Variants in RND1 observed in about 807,000 individuals in gnomAD.
RND1 encodes Rho family GTPase 1, also known as rho-related GTP-binding protein Rho6.
A neutral mutation model predicts 27.1 loss-of-function variants in RND1; 9 were observed. That is an observed-to-expected ratio of 0.33 (90% CI 0.20 to 0.58). The LOEUF (loss-of-function observed/expected upper bound fraction) is 0.58, where lower values mean the gene tolerates loss of function less well. RND1 is among the 20% of genes least tolerant of loss of function. The probability of loss-of-function intolerance (pLI) is 0.86; values close to 1 mark genes in which losing one functional copy is unlikely to be tolerated. For synonymous variants in RND1, 108 were observed against 115.7 expected (o/e 0.93, Z 0.43); for missense variants, 253 against 292.2 (o/e 0.87, Z 0.98).
At chr12:48,864,384 G>GGT (rs539837491) in intron 2 of RND1, among the ~76,000 whole-genome samples, 32,692 of 141,522 alleles carry the variant, frequency 0.23, 4,148 homozygotes, top group Middle Eastern at 0.33. Flanking sequence ...GGAAGTAAAA[G>GGT]GTGTGTGTGT....
Position 48,859,730 on chromosome 12 carries a change from T to G in RND1, c.453+1267A>C, listed in dbSNP as rs553712912. On this transcript the variant is annotated intron_variant, in intron 4 of 4. Coordinates refer to ENST00000309739, the MANE Select transcript of RND1 (RefSeq NM_014470.4). ...ACTGAGACCTTGTCTCTACAAAAAA[T>G]GTTAAAAGATTAGCTAGGCGTGGGG... 2.0e-5 allele frequency among the ~76,000 whole-genome samples: 3 copies of G among 152,082 alleles called. No individual in the cohort carries two copies. In the East Asian group the frequency reaches 5.8e-4, roughly 29 times the overall value.
At chr12:48,862,217 A>C in intron 2 of RND1, 99 bp from the exon 3 acceptor site, 1 of 678,036 alleles carries the variant, frequency 1.5e-6, no homozygotes, top group Non-Finnish European at 2.6e-6. Context: ...TCAATCCCTG[A>C]GGATCCACCC....
At chr12:48,861,780 G>A (rs570568434) in intron 3 of RND1, among the ~76,000 whole-genome samples, 11 of 152,218 alleles carry the variant, frequency 7.2e-5, no homozygotes, top group East Asian at 1.9e-4. Flanking sequence ...CCTCCCTTGC[G>A]GGGCCTCTGG....
In RND1 at chr12:48,865,822, G is replaced by T. The variant is rs903991238; in HGVS notation, c.-55C>A. 1 of 1,537,000 alleles carries T rather than the reference G, an allele frequency of 6.5e-7. No individual in the cohort carries two copies. The highest frequency in any genetic ancestry group is 1.9e-5 in the Admixed American group (1 of 53,670). On this transcript the variant is annotated 5_prime_UTR_variant, in exon 1 of 5. Coordinates refer to ENST00000309739, the MANE Select transcript of RND1 (RefSeq NM_014470.4). ...GATTCAGAAGGGAGGGTTGCGCCAG[G>T]TGCGTCTCAGCACGCCAATCAAGCC...
At chr12:48,861,349 C>G (rs918422485) in intron 3 of RND1, among the ~76,000 whole-genome samples, 12 of 152,162 alleles carry the variant, frequency 7.9e-5, no homozygotes, top group Non-Finnish European at 1.6e-4. Flanking sequence ...GACCCAGGAG[C>G]CTGTTCCCCC....
chr12:48,860,443 C>T (rs1192575099), intron 4 of RND1, among the ~76,000 whole-genome samples: 1 of 151,810 alleles, frequency 6.6e-6, no homozygotes, highest in Non-Finnish European at 1.5e-5. Context: ...GGCTGGAGTG[C>T]AGTGGCATGA....
At position 48,862,234 on chromosome 12, in the gene RND1, CA is replaced by C; in HGVS notation, c.209-117del. ...AATCCCTGAGGATCCACCCATCTCC[CA>C]GGGGGAATGTACTGCGGCTGGAAGC... is the stretch of plus-strand genomic sequence containing the variant. On this transcript the variant is annotated intron_variant, in intron 2 of 4. Coordinates refer to ENST00000309739, the MANE Select transcript of RND1 (RefSeq NM_014470.4). The C allele has an allele frequency of 6.3e-6, 4 of 631,428 alleles. No homozygotes were observed. The South Asian group carries it at 7.9e-5, about 13-fold the overall frequency. The allele number at this position is 631,428 out of a possible 1,614,324, so 39.1% of individuals were successfully genotyped here.
At chr12:48,864,414 T>TGCGCGCGCGC (rs1296870474) in intron 2 of RND1, among the ~76,000 whole-genome samples, 2 of 109,232 alleles carry the variant, frequency 1.8e-5, no homozygotes, top group African/African-American at 6.9e-5. Flanking sequence ...TGTGTGTGTG[T>TGCGCGCGCGC]GTGCGCGCGC....
chr12:48,865,680 A>G lies in RND1; in HGVS notation c.88T>C (p.Leu30=). ...TAGCAATCCTTCGCTAACACTTGCA[A>G]CATCGCGGTCTTCCCACACTGCACG... The part of the protein sequence containing the change: ...GDVQCGKTAM[L]QVLAKDCYPE... Residue 30 remains leucine, a synonymous_variant, in exon 1 of 5, where the codon TTG becomes CTG. Transcript: ENST00000309739. 6.2e-7 allele frequency: 1 copy of G among 1,614,136 alleles called. No homozygotes were observed. The highest frequency in any genetic ancestry group is 8.5e-7 in the Non-Finnish European group (1 of 1,179,986).
At chr12:48,864,265 G>C (rs1938954483) in intron 2 of RND1, among the ~76,000 whole-genome samples, 1 of 152,172 alleles carries the variant, frequency 6.6e-6, no homozygotes, top group Non-Finnish European at 1.5e-5. Flanking sequence ...GAATGCAGGA[G>C]ACAAAACTGA....
intron 2 of RND1, chr12:48,862,340 A>C: frequency 2.1e-6 from 1 of 475,098 alleles, no homozygotes. Context: ...AAGACAAAAT[A>C]AAGTGGGTGG....
At chr12:48,863,146 C>T (rs1222198145) in intron 2 of RND1, among the ~76,000 whole-genome samples, 1 of 152,024 alleles carries the variant, frequency 6.6e-6, no homozygotes, top group Non-Finnish European at 1.5e-5. Context: ...CATTTTGGCT[C>T]CAAGCAATCC....
At chr12:48,864,416 T>TGTGTGTGTGTGTGTGTGCGC (rs141121524) in intron 2 of RND1, among the ~76,000 whole-genome samples, 83 of 135,552 alleles carry the variant, frequency 6.1e-4, no homozygotes, top group Middle Eastern at 3.8e-3. Flanking sequence ...TGTGTGTGTG[T>TGTGTGTGTGTGTGTGTGCGC]GCGCGCGCGC....
intron 2 of RND1, among the ~76,000 whole-genome samples, chr12:48,864,414 T>TGCGCGC (rs1296870474): frequency 7.8e-4 from 85 of 109,338 alleles, no homozygotes; most frequent in African/African-American, 2.0e-3. Context: ...TGTGTGTGTG[T>TGCGCGC]GTGCGCGCGC....
At position 48,864,811 on chromosome 12, in the gene RND1, C is replaced by A; in HGVS notation, c.180G>T (p.Arg60Ser). 2 of 1,613,880 alleles carry A rather than the reference C, an allele frequency of 1.2e-6. No homozygotes were observed. Among genetic ancestry groups the A allele is most frequent in the Non-Finnish European group, 1.7e-6 (2 of 1,179,800 alleles). The change falls in exon 2 of 5, where the codon AGG becomes AGT. Residue 60 changes from arginine (R) to serine (S), a missense_variant. Coordinates refer to ENST00000309739, the MANE Select transcript of RND1 (RefSeq NM_014470.4). ...AGGTATCCCAGAGACTAAGCTCCAC[C>A]CTCTGTTCCTCTGTCTCCAAACAGG... ...YTACLETEEQ[R>S]VELSLWDTSG...
intron 1 of RND1, among the ~76,000 whole-genome samples, 169 bp from the exon 2 acceptor site, chr12:48,865,039 G>T (rs1224639772): frequency 6.6e-6 from 1 of 152,202 alleles, no homozygotes; most frequent in Admixed American, 6.5e-5. Context: ...CAGGCACTTT[G>T]CTCTGCAGCA....
chr12:48,857,894 A>G lies in RND1; in HGVS notation c.*102T>C, dbSNP rs551302071. On this transcript the variant is annotated 3_prime_UTR_variant, in exon 5 of 5. Transcript: ENST00000309739. ...AAGCCCTCACCGTGGCCATCTGAAA[A>G]ACTCATGTCCAGTGTCCTAAATTGT... 23 of 1,421,344 alleles carry G rather than the reference A, an allele frequency of 1.6e-5. 1 individual carries two copies. In the South Asian group the frequency reaches 3.1e-4, roughly 19 times the overall value. 88.0% of individuals were successfully genotyped at this position (1,421,344 alleles called of 1,614,324 possible). A position where few individuals can be genotyped will look rare whatever the true frequency, so the allele number is the denominator to read the frequency against.
intron 4 of RND1, among the ~76,000 whole-genome samples, chr12:48,859,434 G>A (rs1192562796): frequency 6.6e-6 from 1 of 151,978 alleles, no homozygotes; most frequent in Non-Finnish European, 1.5e-5. Context: ...CAGCTACGCA[G>A]GAGGCTGAGG....
At chr12:48,860,557 ATTTTTTT>A (rs34655698) in intron 4 of RND1, among the ~76,000 whole-genome samples, 6 of 70,638 alleles carry the variant, frequency 8.5e-5, no homozygotes, top group Middle Eastern at 0.015. Flanking sequence ...ACACCCAGCT[ATTTTTTT>A]TTTTTTTTTT....
Sources: gnomAD v4.1 joint callset for allele counts (sites outside exome capture counted in the v4.1 genomes callset) on GRCh38, gnomAD v4.1.1 for gene constraint, MANE v1.5 for transcripts, NCBI Gene and HGNC (gene_info 2026-07-23, HGNC 2026-07-21) for gene names.